Variants in DLG3 observed in about 807,000 individuals in gnomAD.
DLG3 encodes disks large homolog 3.
In DLG3, 1 loss-of-function variant was observed where a neutral mutation model predicts 64.1. That is an observed-to-expected ratio of 0.02 (90% CI 0.01 to 0.07). The LOEUF is 0.07. Ranked by LOEUF, DLG3 falls within the 10% of genes least tolerant of loss-of-function variation. DLG3 has a pLI of 1.00. For synonymous variants in DLG3, 245 were observed against 259.8 expected (o/e 0.94, Z 0.55); for missense variants, 429 against 669.5 (o/e 0.64, Z 3.96).
rs186452138 is a variant in DLG3 at position 70,493,986 on chromosome X, G to A, written c.1773+1390G>A. ...GGGCTACTTCTGGAATCCCATGCACGTGCATAAGCATACAGGATATCCACA... is the reference window on the plus strand; with the variant it reads ...GGGCTACTTCTGGAATCCCATGCACATGCATAAGCATACAGGATATCCACA... On this transcript the variant is annotated intron_variant, in intron 12 of 18. Transcript: ENST00000374360. Among the ~76,000 whole-genome samples the A allele has an allele frequency of 1.2e-3, 131 of 112,240 alleles. 1 individual carries two copies. Among genetic ancestry groups the A allele is most frequent in the Middle Eastern group, 9.2e-3 (2 of 218 alleles).
rs950741512 is a variant in DLG3 at position 70,445,318 on chromosome X, C to T, written c.117C>T (p.Tyr39=). Residue 39 remains tyrosine (Y), a synonymous_variant, in exon 1 of 19, where the codon TAC becomes TAT. Transcript: ENST00000374360. ...GYGDWQVPDP[Y]GPGGGNGASA... ...GCGACTGGCAAGTCCCCGACCCTTA[C>T]GGGCCAGGTGGGGGCAACGGCGCCA... 5 of 1,166,399 alleles carry T rather than the reference C, an allele frequency of 4.3e-6. No individual in the cohort carries two copies. The highest frequency in any genetic ancestry group is 3.5e-5 in the African/African-American group (2 of 56,505).
chrX:70,457,817 C>T (rs1381016996), intron 9 of DLG3, among the ~76,000 whole-genome samples: 3 of 110,428 alleles, frequency 2.7e-5, no homozygotes, highest in Admixed American at 9.6e-5. Context: ...GTGATCCGCC[C>T]GCCTCGGCCT....
intron 13 of DLG3, among the ~76,000 whole-genome samples, chrX:70,495,835 G>A (rs2087444600): frequency 2.7e-5 from 3 of 111,393 alleles, no homozygotes; most frequent in African/African-American, 6.5e-5. Flanking sequence ...GTGATACCAC[G>A]CTAAAGAATT....
intron 9 of DLG3, among the ~76,000 whole-genome samples, chrX:70,474,947 TG>T (rs2087028605): frequency 8.9e-6 from 1 of 111,799 alleles, no homozygotes; most frequent in South Asian, 3.7e-4. Flanking sequence ...GGGTTCAATT[TG>T]GTAGTGCTAA....
chrX:70,461,664 A>G (rs2147798273), intron 9 of DLG3, among the ~76,000 whole-genome samples: 1 of 107,371 alleles, frequency 9.3e-6, no homozygotes, highest in East Asian at 3.0e-4. Context: ...TCCGCCTCCC[A>G]GGTTCAAGGG....
At chrX:70,453,613 A>T (rs1428794402) in intron 7 of DLG3, 24 bp from the exon 8 acceptor site, 1 of 1,202,392 alleles carries the variant, frequency 8.3e-7, no homozygotes, top group Non-Finnish European at 1.1e-6. Context: ...CCTAGTCCTG[A>T]CTCCTCCACT....
Position 70,502,372 on chromosome X carries a change from CTTG to C in DLG3, c.*105_*107del. ...CATGGGGAGAACAAATGCTACTGTT[CTTG>C]TCCCCTTTTTTAGATATGTCAAAAA... On this transcript the variant is annotated 3_prime_UTR_variant, in exon 19 of 19. Transcript: ENST00000374360. The C allele has an allele frequency of 5.2e-6, 3 of 577,103 alleles. No homozygotes were observed. Among genetic ancestry groups the C allele is most frequent in the Non-Finnish European group, 8.6e-6 (3 of 350,337 alleles). The allele number at this position is 577,103 out of a possible 1,213,427, so 47.6% of individuals were successfully genotyped here. A position where few individuals can be genotyped will look rare whatever the true frequency, so the allele number is the denominator to read the frequency against.
Position 70,450,620 on chromosome X carries a change from G to A in DLG3, c.841-19G>A, listed in dbSNP as rs762166882. The stretch of plus-strand genomic sequence containing the variant: ...CTCTCCTTCTTCCAAGTCCCAGCCT[G>A]AGGCCTCTCCTCTTCTAGGTGAACA... On this transcript the variant is annotated intron_variant, in intron 5 of 18. Coordinates refer to ENST00000374360, the MANE Select transcript of DLG3 (RefSeq NM_021120.4). 8.3e-7 allele frequency: 1 copy of A among 1,211,224 alleles called. No individual in the cohort carries two copies. The highest frequency in any genetic ancestry group is 1.8e-5 in the South Asian group (1 of 56,848).
chrX:70,451,825 T>G (rs760903397), intron 6 of DLG3, 42 bp from the exon 7 acceptor site: 10 of 1,205,030 alleles, frequency 8.3e-6, no homozygotes, highest in Non-Finnish European at 1.1e-5. Flanking sequence ...GGTACCTCCC[T>G]GGACCAGTCT....
rs2087611523 is a variant in DLG3 at position 70,503,966 on chromosome X, G to A, written c.*1697G>A. 9.0e-6 allele frequency: 1 copy of A among 111,599 alleles called. No individual in the cohort carries two copies. Among genetic ancestry groups the A allele is most frequent in the African/African-American group, 3.3e-5 (1 of 30,565 alleles). The allele number at this position is 111,599 out of a possible 1,213,427, so 9.2% of individuals were successfully genotyped here. On this transcript the variant is annotated 3_prime_UTR_variant, in exon 19 of 19. Coordinates refer to ENST00000374360, the MANE Select transcript of DLG3 (RefSeq NM_021120.4). ...AGGCACTTGTTTCCTAGCCCGCTGGGTTAGGGCTGGTGCAAGCGAGGCAAT... is the reference window on the plus strand; with the variant it reads ...AGGCACTTGTTTCCTAGCCCGCTGGATTAGGGCTGGTGCAAGCGAGGCAAT...
chrX:70,499,841 C>G, intron 15 of DLG3, 36 bp from the exon 16 acceptor site: 1 of 1,187,258 alleles, frequency 8.4e-7, no homozygotes, highest in Non-Finnish European at 1.1e-6. Flanking sequence ...CGGATCACTG[C>G]CCCTGGGCCA....
At chrX:70,480,151 A>C (rs1459087476) in intron 10 of DLG3, among the ~76,000 whole-genome samples, 2 of 111,892 alleles carry the variant, frequency 1.8e-5, no homozygotes, top group East Asian at 5.6e-4. Flanking sequence ...AAGTTGCTAC[A>C]GTATTGTGTT....
chrX:70,468,072 T>C (rs1395815206), intron 9 of DLG3, among the ~76,000 whole-genome samples: 1 of 111,311 alleles, frequency 9.0e-6, no homozygotes, highest in African/African-American at 3.3e-5. Context: ...TGTTTGTTTG[T>C]TTCATTTTTG....
At chrX:70,467,717 A>C (rs2086907030) in intron 9 of DLG3, among the ~76,000 whole-genome samples, 1 of 112,320 alleles carries the variant, frequency 8.9e-6, no homozygotes, top group African/African-American at 3.2e-5. Flanking sequence ...GTTAAGTGGA[A>C]AAGATTCTTC....
chrX:70,486,458 A>G (rs189693321), intron 10 of DLG3, among the ~76,000 whole-genome samples: 118 of 111,444 alleles, frequency 1.1e-3, no homozygotes, highest in East Asian at 7.3e-3. Flanking sequence ...TATCTTAAGT[A>G]CAGAAGGAAT....
intron 10 of DLG3, among the ~76,000 whole-genome samples, chrX:70,485,045 G>A (rs1159693866): frequency 8.9e-6 from 1 of 112,038 alleles, no homozygotes; most frequent in Non-Finnish European, 1.9e-5. Flanking sequence ...GCAAGGGATG[G>A]GCTGCTTAGT....
At chrX:70,501,405 C>CTGTGTGTGTGTG (rs1443311416) in intron 18 of DLG3, among the ~76,000 whole-genome samples, 56 of 45,538 alleles carry the variant, frequency 1.2e-3, no homozygotes, top group Middle Eastern at 0.011. Context: ...GGGTGTCTGT[C>CTGTGTGTGTGTG]TGTCTGTCTG....
At chrX:70,470,124 C>A (rs903897340) in intron 9 of DLG3, among the ~76,000 whole-genome samples, 1 of 112,345 alleles carries the variant, frequency 8.9e-6, no homozygotes, top group Non-Finnish European at 1.9e-5. Context: ...AGATACAGTT[C>A]TCTATTTCAC....
chrX:70,470,576 C>T lies in DLG3; in HGVS notation c.1406-8574C>T, dbSNP rs766966549. Among the ~76,000 whole-genome samples, 21 of 111,284 alleles carry T rather than the reference C, an allele frequency of 1.9e-4. 1 individual carries two copies. The highest frequency in any genetic ancestry group is 4.0e-4 in the Non-Finnish European group (21 of 53,089). ...CAGGATGTTATTTTGTAGCTTTTCC[C>T]TTTTATATCTTCATTCGAGTCATTG... On this transcript the variant is annotated intron_variant, in intron 9 of 18. Transcript: ENST00000374360.
Sources: gnomAD v4.1 joint callset for allele counts (sites outside exome capture counted in the v4.1 genomes callset) on GRCh38, gnomAD v4.1.1 for gene constraint, MANE v1.5 for transcripts, NCBI Gene and HGNC (gene_info 2026-07-23, HGNC 2026-07-21) for gene names.